The following PKN3 variants were observed in gnomAD, a reference collection of about 807,000 sequenced individuals.
The protein encoded by PKN3 is protein kinase N3, also known as serine/threonine-protein kinase N3.
PKN3 carries 91 observed loss-of-function variants against 113.1 expected under a neutral mutation model. That is an observed-to-expected ratio of 0.80 (90% CI 0.68 to 0.96). The LOEUF (loss-of-function observed/expected upper bound fraction) is 0.96. Ranked by LOEUF, PKN3 falls within the 40% of genes least tolerant of loss-of-function variation. The pLI is 0.00. For missense variants in PKN3, 1,052 were observed against 1,202.2 expected (o/e 0.88, Z 1.85); for synonymous variants, 467 against 499.0 (o/e 0.94, Z 0.85).
intron 6 of PKN3, among the ~76,000 whole-genome samples, chr9:128,708,845 A>C (rs1373320191): frequency 0.032 from 3 of 94 alleles, no homozygotes; most frequent in African/African-American, 0.035. Flanking sequence ...TCTTTCAAGA[A>C]AAAAAAAAAA....
chr9:128,716,659 C>A, intron 15 of PKN3, 88 bp from the exon 16 acceptor site: 2 of 1,040,726 alleles, frequency 1.9e-6, no homozygotes, highest in Non-Finnish European at 2.9e-6. Context: ...TGGCTGAGGG[C>A]CCAGTGAGCC....
chr9:128,703,989 G>T (rs918504010), intron 1 of PKN3: 1 of 985,328 alleles, frequency 1.0e-6, no homozygotes, highest in African/African-American at 1.7e-5. Flanking sequence ...GGCCTAGGGC[G>T]GTCAGAGGAT....
intron 9 of PKN3, 111 bp from the exon 10 acceptor site, chr9:128,713,935 C>T: frequency 5.4e-6 from 6 of 1,109,668 alleles, no homozygotes; most frequent in Non-Finnish European, 6.8e-6. Flanking sequence ...CTTTCTGGCT[C>T]TTGCATCTGT....
At chr9:128,714,403 G>A (rs1354685356) in intron 11 of PKN3, 38 bp downstream of exon 11, 1 of 1,554,118 alleles carries the variant, frequency 6.4e-7, no homozygotes, top group South Asian at 1.1e-5. Context: ...ATGCTCCTCT[G>A]TGGCGGCTTC....
In PKN3 at chr9:128,716,923, G is replaced by T; in HGVS notation, c.1985G>T (p.Arg662Leu). The T allele has an allele frequency of 6.2e-7, 1 of 1,613,020 alleles. No homozygotes were observed. Among genetic ancestry groups the T allele is most frequent in the Non-Finnish European group, 8.5e-7 (1 of 1,179,586 alleles). Reference protein sequence around the residue: ...HEDVFPEPQARFYVACVVLGL... With the variant: ...HEDVFPEPQALFYVACVVLGL... The stretch of plus-strand genomic sequence containing the variant: ...GATGTCTTCCCCGAGCCCCAGGCCC[G>T]GTGGGTTCCATCCCTCCTGCCTGCC... Residue 662 changes from arginine to leucine, a missense_variant and splice_region_variant, in exon 16 of 22, where the codon CGC (arginine) becomes CTC (leucine). Arg to Leu is a moderately radical substitution (Grantham distance 102, BLOSUM62 -2). Around this residue, in one of 2 missense-constraint regions of PKN3, gnomAD observed 333 missense variants for 442.8 expected, o/e 0.75. Transcript: ENST00000291906.
At chr9:128,704,008 C>A in intron 1 of PKN3, 1 of 985,450 alleles carries the variant, frequency 1.0e-6, no homozygotes, top group Non-Finnish European at 1.2e-6. Context: ...ATTTCCTGAG[C>A]CTCGCCCTTG....
chr9:128,707,425 C>T lies in PKN3; in HGVS notation c.835+20C>T, dbSNP rs377028819. On this transcript the variant is annotated intron_variant, in intron 6 of 21. Transcript: ENST00000291906. ...TAACAGGTAGTCAGAAGTTCCTCCC[C>T]CTTCAAAGCTCTCCTTCTTTTTGGG... 8.2e-6 allele frequency: 13 copies of T among 1,576,370 alleles called. No homozygotes were observed. Among genetic ancestry groups the T allele is most frequent in the East Asian group, 4.5e-5 (2 of 44,192 alleles).
In PKN3 at chr9:128,715,513, C is replaced by A. The variant is rs1862314373; in HGVS notation, c.1808+53C>A. 5.0e-6 allele frequency: 7 copies of A among 1,396,068 alleles called. No individual in the cohort carries two copies. The South Asian group carries it at 8.1e-5, about 16-fold the overall frequency. The allele number at this position is 1,396,068 out of a possible 1,614,324, so 86.5% of individuals were successfully genotyped here. A position where few individuals can be genotyped will look rare whatever the true frequency, so the allele number is the denominator to read the frequency against. On this transcript the variant is annotated intron_variant, in intron 15 of 21. Transcript: ENST00000291906. The surrounding 1 kb of genome is among the most constrained non-coding windows in gnomAD (Gnocchi z 4.1). ...GGATGGCTGGCCTGGGCTGTGGCAT[C>A]CAGAGGGCAGTTGAAGGTTCCTGGG...
Position 128,705,497 on chromosome 9 carries a change from G to T in PKN3, c.219G>T (p.Glu73Asp), listed in dbSNP as rs1386501435. The T allele has an allele frequency of 3.2e-6, 5 of 1,559,938 alleles. No homozygotes were observed. The South Asian group carries it at 3.5e-5, about 11-fold the overall frequency. Residue 73 changes from glutamate (E) to aspartate (D), a missense_variant, in exon 2 of 22, where the codon GAG becomes GAT. By Grantham distance (45) the Glu-to-Asp change is conservative (BLOSUM62 2). Coordinates refer to ENST00000291906, the MANE Select transcript of PKN3 (RefSeq NM_013355.5). ...AGCAGCTGCATGGCGAGCTGCGGGA[G>T]CTGCACGCCCGAATCCTGCTGCCCG... ...RLEQLHGELR[E>D]LHARILLPGP... is the part of the protein sequence containing the mutation.
At chr9:128,704,083 G>A (rs768345679) in intron 1 of PKN3, 26 of 985,230 alleles carry the variant, frequency 2.6e-5, no homozygotes, top group Non-Finnish European at 3.1e-5. Flanking sequence ...TGAGTCTGGG[G>A]TTGCGGCCCC....
rs1050868506 is a variant in PKN3 at position 128,715,739 on chromosome 9, C to T, written c.1808+279C>T. 6.6e-6 allele frequency among the ~76,000 whole-genome samples: 1 copy of T among 152,248 alleles called. No individual in the cohort carries two copies. Among genetic ancestry groups the T allele is most frequent in the East Asian group, 1.9e-4 (1 of 5,176 alleles). On this transcript the variant is annotated intron_variant, in intron 15 of 21. Transcript: ENST00000291906. This position sits in a 1 kb window ranked among gnomAD's most constrained non-coding sequence, Gnocchi z 4.1. The stretch of plus-strand genomic sequence containing the variant: ...TAGAAACCATCACTCTATGGCCAGG[C>T]GTGGTAACTCATGCATGTAACCCCA...
At chr9:128,718,443 G>A in intron 17 of PKN3, 56 bp downstream of exon 17, 1 of 1,576,302 alleles carries the variant, frequency 6.3e-7, no homozygotes, top group African/African-American at 1.3e-5. Context: ...GGTGGAGTGG[G>A]TAAGGACAGA....
At position 128,713,119 on chromosome 9, in the gene PKN3, G is replaced by T. The variant is rs778095985; in HGVS notation, c.903G>T (p.Ala301=). Residue 301 remains alanine (A), a synonymous_variant, in exon 7 of 22, where the codon GCG becomes GCT. Coordinates refer to ENST00000291906, the MANE Select transcript of PKN3 (RefSeq NM_013355.5). ...LLTAVPGRSP[A]AALASSPSEG... ...CAGCCGTGCCTGGGCGCTCCCCAGC[G>T]GCCGCACTGGCCAGCAGCCCCTCCG... is the stretch of plus-strand genomic sequence containing the variant. The T allele has an allele frequency of 3.1e-6, 5 of 1,611,806 alleles. No individual in the cohort carries two copies. The South Asian group carries it at 4.4e-5, about 14-fold the overall frequency.
intron 3 of PKN3, among the ~76,000 whole-genome samples, chr9:128,706,179 T>C (rs555790201): frequency 6.6e-6 from 1 of 152,366 alleles, no homozygotes; most frequent in African/African-American, 2.4e-5. Context: ...CCTGATATGA[T>C]GACGGAGGCA....
In PKN3 at chr9:128,720,091, G is replaced by T. The variant is rs530384670; in HGVS notation, c.2376+74G>T. The T allele has an allele frequency of 3.6e-5, 56 of 1,537,624 alleles. No homozygotes were observed. In the African/African-American group the frequency reaches 4.7e-4, roughly 13 times the overall value. ...ATGTGCCCTCTGCCGTGGGACAGCA[G>T]ACCCCCTGCCACCCATCCTTAGAGC... On this transcript the variant is annotated intron_variant, in intron 20 of 21. Coordinates refer to ENST00000291906, the MANE Select transcript of PKN3 (RefSeq NM_013355.5). This position sits in a 1 kb window ranked among gnomAD's most constrained non-coding sequence, Gnocchi z 5.5.
chr9:128,718,571 C>A lies in PKN3; in HGVS notation c.2071C>A (p.Leu691Met). 1 of 1,614,112 alleles carries A rather than the reference C, an allele frequency of 6.2e-7. No individual in the cohort carries two copies. Among genetic ancestry groups the A allele is most frequent in the South Asian group, 1.1e-5 (1 of 91,084 alleles). The change falls in exon 18 of 22, where the codon CTG becomes ATG. Residue 691 changes from leucine (L) to methionine (M), a missense_variant. Coordinates refer to ENST00000291906, the MANE Select transcript of PKN3 (RefSeq NM_013355.5). ...CAGGGACCTGAAGTTGGATAACCTTCTGCTGGATGCCCAGGGATTCCTGAA... is the reference window on the plus strand; with the variant it reads ...CAGGGACCTGAAGTTGGATAACCTTATGCTGGATGCCCAGGGATTCCTGAA... The part of the protein sequence containing the change: ...IYRDLKLDNL[L>M]LDAQGFLKIA...
chr9:128,713,431 G>C, intron 8 of PKN3, 44 bp downstream of exon 8: 1 of 1,612,180 alleles, frequency 6.2e-7, no homozygotes, highest in African/African-American at 1.3e-5. Flanking sequence ...TTGGGCTGCG[G>C]GGTGGAAGGC....
chr9:128,714,415 TG>T, intron 11 of PKN3, 50 bp downstream of exon 11: 1 of 1,465,476 alleles, frequency 6.8e-7, no homozygotes. Flanking sequence ...GGCGGCTTCC[TG>T]ACTCCAGATC....
chr9:128,719,428 A>G (rs951292400), intron 18 of PKN3, among the ~76,000 whole-genome samples: 3 of 151,974 alleles, frequency 2.0e-5, no homozygotes, highest in African/African-American at 7.3e-5. Flanking sequence ...TGACCTCATG[A>G]TCTGCCCACC....
Sources: allele counts gnomAD v4.1 joint callset (sites outside exome capture counted in the v4.1 genomes callset), GRCh38; gene constraint gnomAD v4.1.1; regional missense constraint gnomAD v4.1.1; non-coding constraint Gnocchi (gnomAD v3.1); transcripts MANE v1.5; gene names NCBI Gene and HGNC (gene_info 2026-07-23, HGNC 2026-07-21).